PNLIPRP3: variants seen among roughly 807,000 people sequenced by gnomAD.
The protein encoded by PNLIPRP3 is pancreatic lipase-related protein 3.
A neutral mutation model predicts 52.8 loss-of-function variants in PNLIPRP3; 58 were observed. That is an observed-to-expected ratio of 1.10 (90% CI 0.89 to 1.37). The LOEUF (loss-of-function observed/expected upper bound fraction) is 1.37, where lower values mean the gene tolerates loss of function less well. PNLIPRP3 is among the 40% of genes most tolerant of loss of function. The pLI, the probability that PNLIPRP3 is intolerant of heterozygous loss-of-function variation, is 0.00. For missense variants in PNLIPRP3, 593 were observed against 561.6 expected, an observed-to-expected ratio of 1.06 and a Z score of -0.57; for synonymous variants, 192 against 185.0, an observed-to-expected ratio of 1.04 and a Z score of -0.31.
intron 1 of PNLIPRP3, among the ~76,000 whole-genome samples, chr10:116,434,387 T>A (rs1448381111): frequency 6.6e-6 from 1 of 152,216 alleles, no homozygotes; most frequent in African/African-American, 2.4e-5. Flanking sequence ...ACCATAATTT[T>A]AAAACTATAT....
chr10:116,464,643 G>A (rs997026017), intron 7 of PNLIPRP3, among the ~76,000 whole-genome samples: 1 of 152,206 alleles, frequency 6.6e-6, no homozygotes, highest in Non-Finnish European at 1.5e-5. Context: ...GCTTCTGAAC[G>A]AGGGAAATGT....
At chr10:116,442,732 T>C (rs1845876154) in intron 2 of PNLIPRP3, among the ~76,000 whole-genome samples, 1 of 152,044 alleles carries the variant, frequency 6.6e-6, no homozygotes, top group Non-Finnish European at 1.5e-5. Context: ...ATGTGTGGTG[T>C]CATGGGTCTG....
intron 5 of PNLIPRP3, 82 bp downstream of exon 5, chr10:116,455,912 A>G (rs1846106226): frequency 3.1e-6 from 3 of 955,124 alleles, no homozygotes; most frequent in Non-Finnish European, 4.9e-6. Flanking sequence ...ACCAAGTAAT[A>G]CTGCAGAAGA....
At chr10:116,440,452 T>C (rs189647223) in intron 2 of PNLIPRP3, among the ~76,000 whole-genome samples, 126 of 152,300 alleles carry the variant, frequency 8.3e-4, no homozygotes, top group African/African-American at 2.8e-3. Context: ...AATTTTGTAA[T>C]GGATGGAAGC....
At chr10:116,471,983 C>A in intron 10 of PNLIPRP3, 104 bp downstream of exon 10, 1 of 638,594 alleles carries the variant, frequency 1.6e-6, no homozygotes, top group Non-Finnish European at 2.7e-6. Flanking sequence ...TCCTACAATT[C>A]CACAGGCTAC....
intron 10 of PNLIPRP3, among the ~76,000 whole-genome samples, chr10:116,472,717 G>A (rs1387589881): frequency 6.6e-6 from 1 of 152,170 alleles, no homozygotes; most frequent in African/African-American, 2.4e-5. Flanking sequence ...TCTGGATCCT[G>A]ATTGGTGCAC....
At chr10:116,448,921 C>T (rs1166142640) in intron 4 of PNLIPRP3, among the ~76,000 whole-genome samples, 8 of 150,514 alleles carry the variant, frequency 5.3e-5, no homozygotes, top group Admixed American at 1.3e-4. Context: ...GAGGCTAAGG[C>T]AGGACAATTG....
chr10:116,441,146 T>C (rs1049559560), intron 2 of PNLIPRP3, among the ~76,000 whole-genome samples: 1 of 152,156 alleles, frequency 6.6e-6, no homozygotes, highest in Non-Finnish European at 1.5e-5. Context: ...AAAAGCTGCT[T>C]TAGAGGGTTG....
chr10:116,463,343 C>T (rs1033160474), intron 7 of PNLIPRP3, among the ~76,000 whole-genome samples: 2 of 152,158 alleles, frequency 1.3e-5, no homozygotes, highest in Non-Finnish European at 2.9e-5. Flanking sequence ...CTGGGCTAAG[C>T]TGGATGAGGA....
In PNLIPRP3 at chr10:116,477,126, T is replaced by C. The variant is rs1358466768; in HGVS notation, c.1377T>C (p.Asn459=). ...TFCSQDIMGP[N]ILQNLKPC is the part of the protein sequence containing the mutation. Reference sequence around the variant, plus strand: ...GTAGCCAAGACATTATGGGACCTAATATTCTCCAGAACCTGAAACCATGCT... The same window carrying C: ...GTAGCCAAGACATTATGGGACCTAACATTCTCCAGAACCTGAAACCATGCT... Residue 459 remains asparagine (N), a synonymous_variant, in exon 12 of 12, where the codon AAT becomes AAC. Transcript: ENST00000369230. The C allele has an allele frequency of 1.9e-6, 3 of 1,597,792 alleles. No individual in the cohort carries two copies. Among genetic ancestry groups the C allele is most frequent in the Non-Finnish European group, 2.6e-6 (3 of 1,168,216 alleles).
chr10:116,436,681 C>T, intron 1 of PNLIPRP3, 30 bp from the exon 2 acceptor site: 3 of 1,572,428 alleles, frequency 1.9e-6, no homozygotes, highest in Non-Finnish European at 2.6e-6. Context: ...CCTGGTTCCT[C>T]TATACTGACA....
chr10:116,428,307 C>T (rs1341606461), intron 1 of PNLIPRP3, among the ~76,000 whole-genome samples: 1 of 151,954 alleles, frequency 6.6e-6, no homozygotes, highest in East Asian at 1.9e-4. Context: ...GTCTTATGAA[C>T]ATAAAGAAGC....
chr10:116,469,260 A>G lies in PNLIPRP3; in HGVS notation c.1003A>G (p.Met335Val). 6.2e-7 allele frequency: 1 copy of G among 1,612,028 alleles called. No homozygotes were observed. Among genetic ancestry groups the G allele is most frequent in the East Asian group, 2.2e-5 (1 of 44,744 alleles). Residue 335 changes from methionine to valine, a missense_variant, in exon 9 of 12, where the codon ATG becomes GTG. By Grantham distance (21) the Met-to-Val change is conservative (BLOSUM62 1). Coordinates refer to ENST00000369230, the MANE Select transcript of PNLIPRP3 (RefSeq NM_001011709.3). ...HFADRFHFKN[M>V]KTNGSHYFLN... ...TGCTGATAGATTTCACTTCAAAAAT[A>G]TGAAGACTAATGGATCACATTATTT... is the stretch of plus-strand genomic sequence containing the variant.
chr10:116,466,251 G>A lies in PNLIPRP3; in HGVS notation c.927+83G>A, dbSNP rs1053525678. On this transcript the variant is annotated intron_variant, in intron 8 of 11. Coordinates refer to ENST00000369230, the MANE Select transcript of PNLIPRP3 (RefSeq NM_001011709.3). Reference sequence around the variant, plus strand: ...ATCCAGCTAAACATTAGGGCTTTGTGTAGGTAGCAAAAAAAATGCACCTGC... The same window carrying A: ...ATCCAGCTAAACATTAGGGCTTTGTATAGGTAGCAAAAAAAATGCACCTGC... 4.9e-6 allele frequency: 5 copies of A among 1,011,868 alleles called. No homozygotes were observed. In the African/African-American group the frequency reaches 6.5e-5, roughly 13 times the overall value. 62.7% of individuals were successfully genotyped at this position (1,011,868 alleles called of 1,614,324 possible).
At chr10:116,448,690 GTGTTTTGTTTTGTTT>G (rs55781366) in intron 4 of PNLIPRP3, among the ~76,000 whole-genome samples, 50 of 147,740 alleles carry the variant, frequency 3.4e-4, no homozygotes, top group East Asian at 1.2e-3. Flanking sequence ...CTATAAAAAG[GTGTTTTGTTTTGTTT>G]TGTTTTGTTT....
chr10:116,469,113 A>G, intron 8 of PNLIPRP3, 72 bp from the exon 9 acceptor site: 3 of 1,344,590 alleles, frequency 2.2e-6, no homozygotes. Flanking sequence ...TTATTTAATA[A>G]TATATAGCGA....
chr10:116,456,966 C>T (rs1343264022), intron 5 of PNLIPRP3, among the ~76,000 whole-genome samples: 4 of 152,244 alleles, frequency 2.6e-5, no homozygotes, highest in Admixed American at 6.5e-5. Flanking sequence ...GGCCATGCCA[C>T]TCCACTGCTC....
At chr10:116,453,955 G>A in intron 4 of PNLIPRP3, among the ~76,000 whole-genome samples, 1 of 152,044 alleles carries the variant, frequency 6.6e-6, no homozygotes, top group Admixed American at 6.5e-5. Flanking sequence ...CCCCCAACAG[G>A]CCGCACGATG....
chr10:116,461,867 G>A (rs949944293), intron 7 of PNLIPRP3, among the ~76,000 whole-genome samples: 2 of 152,248 alleles, frequency 1.3e-5, no homozygotes, highest in East Asian at 3.9e-4. Flanking sequence ...CAGGCCAACA[G>A]GGGGAAGCAA....
Sources: gnomAD v4.1 joint callset for allele counts (sites outside exome capture counted in the v4.1 genomes callset) on GRCh38, gnomAD v4.1.1 for gene constraint, MANE v1.5 for transcripts, NCBI Gene and HGNC (gene_info 2026-07-23, HGNC 2026-07-21) for gene names.